NPAS3: variants seen among roughly 807,000 people sequenced by gnomAD.
NPAS3 encodes neuronal PAS domain-containing protein 3.
Under a neutral mutation model 73.1 loss-of-function variants are expected in NPAS3, and 14 were observed. The ratio of observed to expected loss-of-function variants is 0.19; its 90% CI spans 0.13 to 0.30. The LOEUF is 0.30. Among genes scored for constraint, NPAS3 ranks in the 10% least tolerant of loss-of-function variants. The probability of loss-of-function intolerance (pLI) is 1.00; values close to 1 mark genes in which losing one functional copy is unlikely to be tolerated. For synonymous variants in NPAS3, 620 were observed against 541.5 expected, an observed-to-expected ratio of 1.14 and a Z score of -2.01; for missense variants, 1,096 against 1,250.0, an observed-to-expected ratio of 0.88 and a Z score of 1.86.
intron 3 of NPAS3, among the ~76,000 whole-genome samples, chr14:33,276,607 T>A (rs2140039287): frequency 6.6e-6 from 1 of 151,448 alleles, no homozygotes; most frequent in South Asian, 2.1e-4. Flanking sequence ...AAGTTACTTC[T>A]TTTTTTTTCC....
intron 4 of NPAS3, among the ~76,000 whole-genome samples, chr14:33,462,531 C>T (rs973341647): frequency 6.6e-6 from 1 of 152,126 alleles, no homozygotes; most frequent in African/African-American, 2.4e-5. Flanking sequence ...GTCCTGGGCC[C>T]TGGAGGAAGG....
At chr14:33,200,388 G>A (rs1289251088) in intron 2 of NPAS3, among the ~76,000 whole-genome samples, 1 of 152,012 alleles carries the variant, frequency 6.6e-6, no homozygotes, top group Non-Finnish European at 1.5e-5. Context: ...TCACTCAGAG[G>A]AAACTACTGT....
chr14:32,946,317 A>C, intron 1 of NPAS3, among the ~76,000 whole-genome samples: 1 of 145,674 alleles, frequency 6.9e-6, no homozygotes, highest in Non-Finnish European at 1.5e-5. Flanking sequence ...TAAGTTATTT[A>C]CTCCCCCATC....
At chr14:33,118,391 A>G (rs1466521800) in intron 2 of NPAS3, among the ~76,000 whole-genome samples, 1 of 152,072 alleles carries the variant, frequency 6.6e-6, no homozygotes, top group Non-Finnish European at 1.5e-5. Context: ...TTATATCCCT[A>G]TTCTCCTTCA....
chr14:33,434,603 C>G (rs1163407555), intron 4 of NPAS3, among the ~76,000 whole-genome samples: 1 of 151,990 alleles, frequency 6.6e-6, no homozygotes, highest in African/African-American at 2.4e-5. Context: ...CAAGTCACTC[C>G]TCATTTGTTC....
At chr14:33,653,582 A>G (rs1274395399) in intron 5 of NPAS3, among the ~76,000 whole-genome samples, 1 of 152,232 alleles carries the variant, frequency 6.6e-6, no homozygotes, top group Non-Finnish European at 1.5e-5. Context: ...CTCACTGGGG[A>G]AATGTTGGAA....
At chr14:33,211,095 A>G (rs1566681393) in intron 2 of NPAS3, among the ~76,000 whole-genome samples, 1 of 152,208 alleles carries the variant, frequency 6.6e-6, no homozygotes, top group East Asian at 1.9e-4. Context: ...CATTGTAAAG[A>G]TCTTATTTAA....
chr14:33,249,069 T>G (rs1411633175), intron 3 of NPAS3, among the ~76,000 whole-genome samples: 1 of 152,156 alleles, frequency 6.6e-6, no homozygotes, highest in Non-Finnish European at 1.5e-5. Flanking sequence ...CAAGTCAGGC[T>G]CAAATTGCTG....
chr14:33,055,740 A>G (rs1281971208), intron 1 of NPAS3, among the ~76,000 whole-genome samples, 165 bp from the exon 2 acceptor site: 1 of 152,208 alleles, frequency 6.6e-6, no homozygotes, highest in African/African-American at 2.4e-5. Flanking sequence ...GTTTTCTAAA[A>G]GTGGAAGTTA....
chr14:33,419,072 C>T (rs1169319803), intron 4 of NPAS3, among the ~76,000 whole-genome samples: 2 of 151,880 alleles, frequency 1.3e-5, no homozygotes, highest in East Asian at 3.9e-4. Context: ...CTGTAAGGCA[C>T]TACATTGTGC....
At chr14:33,578,362 T>A (rs923114225) in intron 5 of NPAS3, 5 of 369,740 alleles carry the variant, frequency 1.4e-5, no homozygotes, top group African/African-American at 2.2e-5. Flanking sequence ...CCTGGCTAAT[T>A]TTTTGTATTT....
chr14:33,372,505 G>A (rs17569683), intron 4 of NPAS3, among the ~76,000 whole-genome samples: 10,062 of 152,242 alleles, frequency 0.066, 378 homozygotes, highest in Middle Eastern at 0.14. Flanking sequence ...CAATACCCGT[G>A]TTTGTAGGCA....
chr14:33,748,990 T>G (rs1450383338), intron 7 of NPAS3, among the ~76,000 whole-genome samples: 2 of 152,158 alleles, frequency 1.3e-5, no homozygotes, highest in Non-Finnish European at 2.9e-5. Context: ...CTAGGAAACA[T>G]TTAACCAAAT....
At chr14:33,355,266 G>C (rs780760187) in intron 3 of NPAS3, among the ~76,000 whole-genome samples, 1 of 152,138 alleles carries the variant, frequency 6.6e-6, no homozygotes, top group Non-Finnish European at 1.5e-5. Context: ...TTTCACTAGA[G>C]TTAGATGCTC....
intron 4 of NPAS3, among the ~76,000 whole-genome samples, chr14:33,413,681 G>A (rs900504783): frequency 6.6e-6 from 1 of 152,032 alleles, no homozygotes; most frequent in African/African-American, 2.4e-5. Flanking sequence ...AATTTTCCAC[G>A]GTCAGGGATA....
intron 5 of NPAS3, among the ~76,000 whole-genome samples, chr14:33,647,114 T>C (rs916126823): frequency 6.6e-6 from 1 of 152,166 alleles, no homozygotes; most frequent in South Asian, 2.1e-4. Context: ...TTTATGTCCT[T>C]AGGCTCAACT....
chr14:33,025,762 A>G (rs937268302), intron 1 of NPAS3, among the ~76,000 whole-genome samples: 1 of 152,116 alleles, frequency 6.6e-6, no homozygotes, highest in Non-Finnish European at 1.5e-5. Context: ...AGCCATATGA[A>G]GAAGTGCTTG....
intron 3 of NPAS3, among the ~76,000 whole-genome samples, chr14:33,324,374 C>G (rs745648388): frequency 3.5e-4 from 53 of 152,218 alleles, no homozygotes; most frequent in Middle Eastern, 3.4e-3. Flanking sequence ...AAATAATTAA[C>G]AATAGCAATA....
At position 33,278,003 on chromosome 14, in the gene NPAS3, G is replaced by A. The variant is rs145573967; in HGVS notation, c.385+62577G>A. 8.1e-4 allele frequency among the ~76,000 whole-genome samples: 123 copies of A among 152,180 alleles called. 1 individual carries two copies. Among genetic ancestry groups the A allele is most frequent in the Middle Eastern group, 3.4e-3 (1 of 294 alleles). On this transcript the variant is annotated intron_variant, in intron 3 of 11. Coordinates refer to ENST00000356141, the Ensembl canonical transcript of NPAS3. ...GGTTCGGGTGAGAGAGAAGGGTGGC[G>A]TACACTAAGGTATGGTGAAGGGGGC...
Sources: allele counts gnomAD v4.1 joint callset (sites outside exome capture counted in the v4.1 genomes callset), GRCh38; gene constraint gnomAD v4.1.1; transcripts MANE v1.5; gene names NCBI Gene and HGNC (gene_info 2026-07-23, HGNC 2026-07-21).